Variants in SLC25A21 observed in about 807,000 individuals in gnomAD.
SLC25A21 encodes the protein solute carrier family 25 member 21.
SLC25A21 carries 47 observed loss-of-function variants against 43.8 expected under a neutral mutation model. The observed-to-expected ratio is 1.07, with a 90% CI of 0.85 to 1.37. SLC25A21 has a LOEUF of 1.37. SLC25A21 is among the 40% of genes most tolerant of loss of function. The pLI is 0.00. For synonymous variants in SLC25A21, 131 were observed against 121.3 expected (o/e 1.08, Z -0.52); for missense variants, 352 against 350.2 (o/e 1.00, Z -0.04).
intron 2 of SLC25A21, among the ~76,000 whole-genome samples, chr14:36,845,306 A>G (rs1889507279): frequency 1.3e-5 from 2 of 152,352 alleles, no homozygotes; most frequent in East Asian, 1.9e-4. Context: ...AACAATATAG[A>G]AATTGATGGA....
At chr14:37,077,330 T>C (rs752254446) in intron 1 of SLC25A21, among the ~76,000 whole-genome samples, 5 of 152,224 alleles carry the variant, frequency 3.3e-5, no homozygotes, top group Non-Finnish European at 7.3e-5. Context: ...TTCTAAACTT[T>C]ACAACATCTG....
intron 1 of SLC25A21, among the ~76,000 whole-genome samples, chr14:37,080,964 G>T (rs557500946): frequency 4.6e-5 from 7 of 152,162 alleles, no homozygotes; most frequent in Non-Finnish European, 7.3e-5. Context: ...ATTGTTAAAT[G>T]GTTATCGACT....
At chr14:36,785,072 A>G (rs1020827746) in intron 3 of SLC25A21, among the ~76,000 whole-genome samples, 12 of 152,160 alleles carry the variant, frequency 7.9e-5, no homozygotes, top group Non-Finnish European at 1.8e-4. Flanking sequence ...AGACAGTCCA[A>G]CATCATGTCA....
chr14:36,976,713 A>C (rs1238604437), intron 1 of SLC25A21, among the ~76,000 whole-genome samples: 1 of 152,156 alleles, frequency 6.6e-6, no homozygotes, highest in African/African-American at 2.4e-5. Flanking sequence ...CTTGCCAACC[A>C]CTGGCTGGGA....
intron 3 of SLC25A21, among the ~76,000 whole-genome samples, chr14:36,790,007 G>T (rs1029133318): frequency 2.9e-5 from 4 of 137,906 alleles, no homozygotes. Flanking sequence ...TAGTGGAGAA[G>T]AGTACTTCAG....
intron 3 of SLC25A21, among the ~76,000 whole-genome samples, chr14:36,741,588 C>T (rs1288687721): frequency 1.3e-5 from 2 of 152,168 alleles, no homozygotes; most frequent in African/African-American, 2.4e-5. Context: ...AACCATCACA[C>T]TGGGAAAGCC....
rs547475911 is a variant in SLC25A21, at chr14:36,923,369, C to T, written c.71-48365G>A. On this transcript the variant is annotated intron_variant, in intron 1 of 9. Transcript: ENST00000331299. Reference sequence around the variant, plus strand: ...TTTAAAAACAAGAGTAAAATAAAGACTTTTTCAGACAAAATCTGAGAGCAT... The same window carrying T: ...TTTAAAAACAAGAGTAAAATAAAGATTTTTTCAGACAAAATCTGAGAGCAT... 2.7e-3 allele frequency among the ~76,000 whole-genome samples: 403 copies of T among 152,036 alleles called. 5 individuals are homozygous for T. Among genetic ancestry groups the T allele is most frequent in the African/African-American group, 9.0e-3 (373 of 41,506 alleles).
intron 3 of SLC25A21, among the ~76,000 whole-genome samples, chr14:36,798,912 GAGAGAC>G (rs1284647335): frequency 2.6e-5 from 4 of 151,842 alleles, no homozygotes; most frequent in Admixed American, 6.6e-5. Flanking sequence ...AAGAGAGAGA[GAGAGAC>G]AGAGAGAGAG....
At chr14:37,014,542 A>T (rs1475149732) in intron 1 of SLC25A21, among the ~76,000 whole-genome samples, 1 of 151,996 alleles carries the variant, frequency 6.6e-6, no homozygotes, top group Non-Finnish European at 1.5e-5. Context: ...CTGCTCTTGA[A>T]CCCCTCAAAG....
At chr14:36,712,271 T>C (rs984896974) in intron 6 of SLC25A21, among the ~76,000 whole-genome samples, 1 of 152,184 alleles carries the variant, frequency 6.6e-6, no homozygotes. Flanking sequence ...GAGTGGTTGT[T>C]TCTTTTTTGA....
intron 2 of SLC25A21, among the ~76,000 whole-genome samples, chr14:36,830,429 C>G (rs1048742186): frequency 3.3e-5 from 5 of 152,084 alleles, no homozygotes; most frequent in Non-Finnish European, 7.4e-5. Flanking sequence ...GTGTGAATAT[C>G]CAGGGACAGA....
At chr14:37,046,198 T>C (rs1398114874) in intron 1 of SLC25A21, among the ~76,000 whole-genome samples, 2 of 152,140 alleles carry the variant, frequency 1.3e-5, no homozygotes, top group Non-Finnish European at 2.9e-5. Flanking sequence ...TTCACCATGC[T>C]GCAATGCTCC....
At chr14:36,693,086 G>A (rs1882860420) in intron 7 of SLC25A21, among the ~76,000 whole-genome samples, 1 of 152,174 alleles carries the variant, frequency 6.6e-6, no homozygotes, top group South Asian at 2.1e-4. Flanking sequence ...AGCTGGAGGT[G>A]GTACCTACGT....
At chr14:36,959,074 A>C (rs932743842) in intron 1 of SLC25A21, among the ~76,000 whole-genome samples, 2 of 152,082 alleles carry the variant, frequency 1.3e-5, no homozygotes, top group Non-Finnish European at 2.9e-5. Flanking sequence ...TATCAGTGCA[A>C]ATGTCTTATG....
intron 1 of SLC25A21, among the ~76,000 whole-genome samples, chr14:36,956,826 A>C (rs1318140619): frequency 6.6e-6 from 1 of 152,228 alleles, no homozygotes; most frequent in East Asian, 1.9e-4. Context: ...ATTATGTTTC[A>C]GTATGACAAA....
intron 7 of SLC25A21, among the ~76,000 whole-genome samples, chr14:36,689,816 G>C (rs1882717749): frequency 6.6e-6 from 1 of 152,224 alleles, no homozygotes; most frequent in Non-Finnish European, 1.5e-5. Context: ...TTATTCTGAT[G>C]GATGGTAAAG....
At chr14:36,784,078 C>A (rs1887166530) in intron 3 of SLC25A21, among the ~76,000 whole-genome samples, 1 of 152,096 alleles carries the variant, frequency 6.6e-6, no homozygotes, top group Non-Finnish European at 1.5e-5. Context: ...AAAATGATTA[C>A]CCAGGTCGTC....
intron 3 of SLC25A21, among the ~76,000 whole-genome samples, chr14:36,746,258 C>T (rs899877513): frequency 6.6e-6 from 1 of 152,122 alleles, no homozygotes; most frequent in Admixed American, 6.6e-5. Flanking sequence ...TGGAATACTA[C>T]TCAGCTATAA....
chr14:36,828,248 C>T (rs1285681210), intron 2 of SLC25A21, among the ~76,000 whole-genome samples: 1 of 152,122 alleles, frequency 6.6e-6, no homozygotes, highest in Non-Finnish European at 1.5e-5. Flanking sequence ...AGAAGACATG[C>T]ACCCAGCTAG....
Sources: gnomAD v4.1 joint callset for allele counts (sites outside exome capture counted in the v4.1 genomes callset) on GRCh38, gnomAD v4.1.1 for gene constraint, MANE v1.5 for transcripts, NCBI Gene and HGNC (gene_info 2026-07-23, HGNC 2026-07-21) for gene names.